The following TMEM132B variants were observed in gnomAD, a reference collection of about 807,000 sequenced individuals.
TMEM132B encodes transmembrane protein 132B.
In TMEM132B, 18 loss-of-function variants were observed where a neutral mutation model predicts 90.8. That is an observed-to-expected ratio of 0.20 (90% CI 0.14 to 0.29). The LOEUF is 0.29. Ranked by LOEUF, TMEM132B falls within the 10% of genes least tolerant of loss-of-function variation. TMEM132B has a pLI of 1.00. For synonymous variants in TMEM132B, 504 were observed against 523.3 expected, an observed-to-expected ratio of 0.96 and a Z score of 0.50; for missense variants, 1,096 against 1,326.8, an observed-to-expected ratio of 0.83 and a Z score of 2.70.
intron 1 of TMEM132B, among the ~76,000 whole-genome samples, chr12:125,198,843 C>T (rs1872986057): frequency 6.6e-6 from 1 of 152,218 alleles, no homozygotes; most frequent in Non-Finnish European, 1.5e-5. Flanking sequence ...TGCCTCCCTC[C>T]TGCCCCTGGA....
chr12:125,389,127 A>G (rs1319076220), intron 2 of TMEM132B, among the ~76,000 whole-genome samples: 1 of 152,172 alleles, frequency 6.6e-6, no homozygotes, highest in Non-Finnish European at 1.5e-5. Flanking sequence ...AAGACAGATA[A>G]AAGTCCTCAG....
intron 5 of TMEM132B, among the ~76,000 whole-genome samples, chr12:125,643,054 A>G (rs1282466896): frequency 3.3e-5 from 5 of 152,168 alleles, no homozygotes; most frequent in African/African-American, 1.2e-4. Flanking sequence ...TCACTTGACC[A>G]TGTCAAATAG....
In TMEM132B at chr12:125,519,554, ATGAG is replaced by A; in HGVS notation, c.1227_1230del (p.Glu410TrpfsTer26). 1 of 1,614,168 alleles carries A rather than the reference ATGAG, an allele frequency of 6.2e-7. No homozygotes were observed. Among genetic ancestry groups the A allele is most frequent in the Non-Finnish European group, 8.5e-7 (1 of 1,180,022 alleles). On this transcript the variant is annotated frameshift_variant, in exon 4 of 9. Coordinates refer to ENST00000682704, the MANE Select transcript of TMEM132B (RefSeq NM_001366854.1). LOFTEE classifies it high-confidence loss of function. ...GGTGGAGTACCCGATTGAGGACTCCATGAGTGAGCTGGTCGTCTCCGAGATCTTC... is the reference window on the plus strand; with the variant it reads ...GGTGGAGTACCCGATTGAGGACTCCATGAGCTGGTCGTCTCCGAGATCTTC...
chr12:125,484,788 A>G (rs1882158481), intron 3 of TMEM132B, among the ~76,000 whole-genome samples: 2 of 152,106 alleles, frequency 1.3e-5, no homozygotes. Context: ...ATTTTTTAGT[A>G]GAGATAGGGT....
chr12:125,376,389 C>G lies in TMEM132B; in HGVS notation c.959+26046C>G, dbSNP rs146172378. Reference sequence around the variant, plus strand: ...ATTAAGTAATAATACAGATGGTACCCATGCTAAAGCAAAACAGAGTGACAG... The same window carrying G: ...ATTAAGTAATAATACAGATGGTACCGATGCTAAAGCAAAACAGAGTGACAG... On this transcript the variant is annotated intron_variant, in intron 2 of 8. Coordinates refer to ENST00000682704, the MANE Select transcript of TMEM132B (RefSeq NM_001366854.1). 4.5e-4 allele frequency among the ~76,000 whole-genome samples: 69 copies of G among 152,252 alleles called. No homozygotes were observed. The East Asian group carries it at 0.012, about 27-fold the overall frequency.
chr12:125,550,593 A>G (rs1370116111), intron 4 of TMEM132B, among the ~76,000 whole-genome samples: 1 of 152,162 alleles, frequency 6.6e-6, no homozygotes, highest in African/African-American at 2.4e-5. Context: ...TTTCTGTTTA[A>G]ACAAGTTTTC....
intron 3 of TMEM132B, among the ~76,000 whole-genome samples, chr12:125,476,991 T>C (rs1259882132): frequency 6.6e-6 from 1 of 152,212 alleles, no homozygotes; most frequent in Non-Finnish European, 1.5e-5. Flanking sequence ...TGGTAGTTGT[T>C]GGTGGACAGC....
chr12:125,409,239 G>C (rs1156523301), intron 2 of TMEM132B, among the ~76,000 whole-genome samples: 1 of 152,180 alleles, frequency 6.6e-6, no homozygotes, highest in Non-Finnish European at 1.5e-5. Context: ...AGGGAAGAGG[G>C]ACTGAGATAG....
chr12:125,299,263 C>G (rs1245022071), intron 1 of TMEM132B, among the ~76,000 whole-genome samples: 1 of 152,200 alleles, frequency 6.6e-6, no homozygotes, highest in South Asian at 2.1e-4. Flanking sequence ...CTCTCCAACA[C>G]TCGGGTCTGT....
At chr12:125,212,386 A>G (rs1213884601) in intron 1 of TMEM132B, among the ~76,000 whole-genome samples, 1 of 152,100 alleles carries the variant, frequency 6.6e-6, no homozygotes, top group Non-Finnish European at 1.5e-5. Context: ...TATATTGCAC[A>G]GTCTGGTCTC....
At position 125,519,530 on chromosome 12, in the gene TMEM132B, G is replaced by C; in HGVS notation, c.1198G>C (p.Val400Leu). Residue 400 changes from valine to leucine, a missense_variant, in exon 4 of 9, where the codon GTG (valine) becomes CTG (leucine). Coordinates refer to ENST00000682704, the MANE Select transcript of TMEM132B (RefSeq NM_001366854.1). ...TGGGGCCCAGCAGATTACCTGGCAG[G>C]TGGAGTACCCGATTGAGGACTCCAT... ...LAGAQQITWQVEYPIEDSMSE... is the reference protein window; with the variant it reads ...LAGAQQITWQLEYPIEDSMSE... 1 of 1,614,142 alleles carries C rather than the reference G, an allele frequency of 6.2e-7. No homozygotes were observed. Among genetic ancestry groups the C allele is most frequent in the South Asian group, 1.1e-5 (1 of 91,072 alleles).
At chr12:125,187,376 GGCCCTCCCCTGCTTTCACACT>G (rs1555230724) in intron 1 of TMEM132B, among the ~76,000 whole-genome samples, 2 of 152,052 alleles carry the variant, frequency 1.3e-5, no homozygotes, top group Non-Finnish European at 2.9e-5. Flanking sequence ...CACGCCCCGC[GGCCCTCCCCTGCTTTCACACT>G]GCCCTCCCCA....
chr12:125,640,532 AGAAG>A, intron 5 of TMEM132B, among the ~76,000 whole-genome samples: 1 of 152,272 alleles, frequency 6.6e-6, no homozygotes, highest in South Asian at 2.1e-4. Context: ...GTGAGGCCAG[AGAAG>A]GAGGCAGGTC....
intron 3 of TMEM132B, among the ~76,000 whole-genome samples, chr12:125,475,693 C>T (rs914074060): frequency 2.0e-5 from 3 of 152,204 alleles, no homozygotes; most frequent in African/African-American, 7.2e-5. Context: ...TCAGCTTGCA[C>T]ATGGCCTGTT....
chr12:125,444,999 T>A (rs910110563), intron 3 of TMEM132B, among the ~76,000 whole-genome samples: 1 of 152,116 alleles, frequency 6.6e-6, no homozygotes, highest in Non-Finnish European at 1.5e-5. Context: ...TAGTTCTACA[T>A]CTCCAGTTGA....
chr12:125,513,742 G>A (rs544406788), intron 3 of TMEM132B, among the ~76,000 whole-genome samples: 1 of 152,102 alleles, frequency 6.6e-6, no homozygotes, highest in East Asian at 1.9e-4. Flanking sequence ...CCCTTCCACT[G>A]TCTTCTGTTG....
chr12:125,358,812 T>A (rs1877868489), intron 2 of TMEM132B, among the ~76,000 whole-genome samples: 1 of 152,210 alleles, frequency 6.6e-6, no homozygotes, highest in Admixed American at 6.5e-5. Context: ...CTGGGAAGAT[T>A]GTTTGAGATT....
chr12:125,589,395 T>C (rs1187693409), intron 5 of TMEM132B, among the ~76,000 whole-genome samples: 1 of 134,342 alleles, frequency 7.4e-6, no homozygotes, highest in East Asian at 2.2e-4. Context: ...GGCAGGAGAA[T>C]GGCGTGAACC....
At chr12:125,555,052 A>C (rs1270183274) in intron 4 of TMEM132B, among the ~76,000 whole-genome samples, 1 of 152,158 alleles carries the variant, frequency 6.6e-6, no homozygotes, top group African/African-American at 2.4e-5. Context: ...GATTGATGTG[A>C]CTGGTCGCTC....
Sources: gnomAD v4.1 joint callset for allele counts (sites outside exome capture counted in the v4.1 genomes callset) on GRCh38, gnomAD v4.1.1 for gene constraint, MANE v1.5 for transcripts, NCBI Gene and HGNC (gene_info 2026-07-23, HGNC 2026-07-21) for gene names.